The following CACNA2D3 variants were observed in gnomAD, a reference collection of about 807,000 sequenced individuals.
CACNA2D3 encodes voltage-dependent calcium channel subunit alpha-2/delta-3.
In CACNA2D3, 60 loss-of-function variants were observed where a neutral mutation model predicts 160.6. That is an observed-to-expected ratio of 0.37 (90% CI 0.30 to 0.46). The LOEUF (loss-of-function observed/expected upper bound fraction) is 0.46. Among genes scored for constraint, CACNA2D3 ranks in the 20% least tolerant of loss-of-function variants. The probability of loss-of-function intolerance (pLI) is 1.00; values close to 1 mark genes in which losing one functional copy is unlikely to be tolerated. For missense variants in CACNA2D3, 1,205 were observed against 1,365.0 expected, an observed-to-expected ratio of 0.88 and a Z score of 1.85; for synonymous variants, 558 against 492.9, an observed-to-expected ratio of 1.13 and a Z score of -1.75.
chr3:55,003,363 T>C (rs1313752532), intron 31 of CACNA2D3, among the ~76,000 whole-genome samples: 1 of 152,184 alleles, frequency 6.6e-6, no homozygotes, highest in Non-Finnish European at 1.5e-5. Context: ...TGGGATAAGA[T>C]GTTCATACCA....
intron 9 of CACNA2D3, among the ~76,000 whole-genome samples, chr3:54,595,643 C>T (rs1702940990): frequency 6.6e-6 from 1 of 152,200 alleles, no homozygotes; most frequent in South Asian, 2.1e-4. Flanking sequence ...GTCGACCACA[C>T]AGCCTGCCCT....
intron 2 of CACNA2D3, among the ~76,000 whole-genome samples, chr3:54,294,124 G>C (rs1224762685): frequency 5.3e-5 from 8 of 152,264 alleles, no homozygotes; most frequent in South Asian, 2.1e-4. Context: ...TTTCTAGCAA[G>C]GGAAACCCTG....
In CACNA2D3 at chr3:54,575,700, A is replaced by G. The variant is rs530280866; in HGVS notation, c.888+5596A>G. The stretch of plus-strand genomic sequence containing the variant: ...GGGGCTGGGTGTCTAGAGCTGGGTC[A>G]TGTATCGCCTGGGGCTCTGTGGTGG... On this transcript the variant is annotated intron_variant, in intron 8 of 37. Transcript: ENST00000474759. Among the ~76,000 whole-genome samples, 7 of 152,292 alleles carry G rather than the reference A, an allele frequency of 4.6e-5. No individual in the cohort carries two copies. In the East Asian group the frequency reaches 1.2e-3, roughly 25 times the overall value.
At chr3:54,837,586 T>TA (rs1559600272) in intron 15 of CACNA2D3, among the ~76,000 whole-genome samples, 1 of 152,076 alleles carries the variant, frequency 6.6e-6, no homozygotes, top group South Asian at 2.1e-4. Context: ...CTGTGTGGCT[T>TA]AAAAAAATAG....
intron 31 of CACNA2D3, among the ~76,000 whole-genome samples, chr3:54,990,589 ATCT>A (rs1159681871): frequency 6.6e-6 from 1 of 152,144 alleles, no homozygotes; most frequent in Non-Finnish European, 1.5e-5. Context: ...TCCACAAACC[ATCT>A]TCTCCAGAAA....
chr3:54,858,731 C>T (rs984041744), intron 17 of CACNA2D3, among the ~76,000 whole-genome samples: 1 of 152,184 alleles, frequency 6.6e-6, no homozygotes, highest in African/African-American at 2.4e-5. Flanking sequence ...ATAACCTAGC[C>T]TTACCCTCAC....
At chr3:54,344,160 A>C (rs992352317) in intron 3 of CACNA2D3, among the ~76,000 whole-genome samples, 1 of 152,158 alleles carries the variant, frequency 6.6e-6, no homozygotes, top group Non-Finnish European at 1.5e-5. Context: ...CATCATTATT[A>C]AAGGGCACTG....
intron 2 of CACNA2D3, among the ~76,000 whole-genome samples, chr3:54,196,275 T>C (rs1214850570): frequency 6.6e-6 from 1 of 152,274 alleles, no homozygotes; most frequent in Non-Finnish European, 1.5e-5. Flanking sequence ...ATCTAACTTT[T>C]ATTTCAGGAT....
intron 2 of CACNA2D3, among the ~76,000 whole-genome samples, chr3:54,141,214 GA>G (rs566764435): frequency 9.7e-4 from 148 of 152,148 alleles, no homozygotes; most frequent in African/African-American, 2.9e-3. Flanking sequence ...CTATTTGGGG[GA>G]AAAAATTCCC....
rs1212206824 is a variant in CACNA2D3 at position 54,786,763 on chromosome 3, AAC to A, written c.1380+22418_1380+22419del. ...CATCTGATTTATCCATGGTTAAAAA[AAC>A]ACACAACTGATTTTACATATGGAAT... On this transcript the variant is annotated intron_variant, in intron 13 of 37. Coordinates refer to ENST00000474759, the MANE Select transcript of CACNA2D3 (RefSeq NM_018398.3). 3.3e-5 allele frequency among the ~76,000 whole-genome samples: 5 copies of A among 152,324 alleles called. No individual in the cohort carries two copies. The East Asian group carries it at 7.7e-4, about 24-fold the overall frequency.
chr3:54,689,312 C>T (rs935094708), intron 11 of CACNA2D3, among the ~76,000 whole-genome samples: 1 of 152,128 alleles, frequency 6.6e-6, no homozygotes, highest in African/African-American at 2.4e-5. Context: ...GCTCCAGGCA[C>T]AGTGCTTATT....
At position 54,822,763 on chromosome 3, in the gene CACNA2D3, TTTC is replaced by T. The variant is rs1559595456; in HGVS notation, c.1398+5896_1398+5898del. Among the ~76,000 whole-genome samples the T allele has an allele frequency of 3.6e-4, 32 of 88,854 alleles. 1 individual carries two copies. Among genetic ancestry groups the T allele is most frequent in the Non-Finnish European group, 6.2e-4 (27 of 43,648 alleles). 58.3% of individuals were successfully genotyped at this position (88,854 alleles called of 152,430 possible). A position where few individuals can be genotyped will look rare whatever the true frequency, so the allele number is the denominator to read the frequency against. ...CTTTCTTTCTTTCTTTCTTTCTTTCTTTCTTTCTTTCTTTCTTTCTTTCTTTCC... is the reference window on the plus strand; with the variant it reads ...CTTTCTTTCTTTCTTTCTTTCTTTCTTTTCTTTCTTTCTTTCTTTCTTTCC... On this transcript the variant is annotated intron_variant, in intron 14 of 37. Transcript: ENST00000474759.
At chr3:54,846,527 A>G (rs1311076761) in intron 17 of CACNA2D3, 60 bp downstream of exon 17, 35 of 1,083,258 alleles carry the variant, frequency 3.2e-5, no homozygotes, top group South Asian at 4.2e-5. Flanking sequence ...ATTTCCTTCA[A>G]TTCAACAGTG....
intron 2 of CACNA2D3, among the ~76,000 whole-genome samples, chr3:54,252,100 GTT>G (rs548233026): frequency 8.3e-6 from 1 of 120,994 alleles, no homozygotes; most frequent in African/African-American, 3.4e-5. Flanking sequence ...TGCAGAGCTA[GTT>G]TTTTTTTTTT....
intron 18 of CACNA2D3, 82 bp downstream of exon 18, chr3:54,871,704 G>T (rs1341836040): frequency 3.8e-6 from 4 of 1,055,420 alleles, no homozygotes; most frequent in Non-Finnish European, 5.8e-6. Context: ...CCAGGAGTTG[G>T]CCAAGAGGCC....
At chr3:54,998,761 T>C (rs1368721509) in intron 31 of CACNA2D3, among the ~76,000 whole-genome samples, 1 of 146,900 alleles carries the variant, frequency 6.8e-6, no homozygotes, top group Admixed American at 6.8e-5. Context: ...TTGTTTTGTT[T>C]TTTGAGATGG....
At chr3:54,456,556 A>T (rs1700400156) in intron 4 of CACNA2D3, among the ~76,000 whole-genome samples, 1 of 151,806 alleles carries the variant, frequency 6.6e-6, no homozygotes, top group South Asian at 2.1e-4. Flanking sequence ...ATATTGGCCT[A>T]TAGTTTTCTT....
At chr3:54,790,423 A>G (rs763186594) in intron 13 of CACNA2D3, among the ~76,000 whole-genome samples, 17 of 152,222 alleles carry the variant, frequency 1.1e-4, no homozygotes, top group Non-Finnish European at 2.2e-4. Context: ...CCCATGAGCC[A>G]AGCTGGTGAA....
chr3:54,281,418 C>T (rs55725671), intron 2 of CACNA2D3, among the ~76,000 whole-genome samples: 27,260 of 152,042 alleles, frequency 0.18, 2,628 homozygotes, highest in East Asian at 0.26. Flanking sequence ...GGTATAGAGG[C>T]CTGGTGAACC....
Sources: allele counts gnomAD v4.1 joint callset (sites outside exome capture counted in the v4.1 genomes callset), GRCh38; gene constraint gnomAD v4.1.1; transcripts MANE v1.5; gene names NCBI Gene and HGNC (gene_info 2026-07-23, HGNC 2026-07-21).